The following MED27 variants were observed in gnomAD, a reference collection of about 807,000 sequenced individuals.
MED27 encodes the protein mediator complex subunit 27.
In MED27, 30 loss-of-function variants were observed where a neutral mutation model predicts 38.2. That is an observed-to-expected ratio of 0.79 (90% confidence interval 0.59 to 1.07). MED27 has a LOEUF of 1.07. Among genes scored for constraint, MED27 ranks in the 50% least tolerant of loss-of-function variants. The pLI is 0.00. For missense variants in MED27, 289 were observed against 397.5 expected, an observed-to-expected ratio of 0.73 and a Z score of 2.32; for synonymous variants, 122 against 153.5, an observed-to-expected ratio of 0.79 and a Z score of 1.52.
intron 3 of MED27, among the ~76,000 whole-genome samples, chr9:132,002,558 A>T (rs1832261023): frequency 6.6e-6 from 1 of 152,210 alleles, no homozygotes; most frequent in East Asian, 1.9e-4. Flanking sequence ...CTAACCAGGG[A>T]CTTGCTTTCT....
rs749607968 is a variant in MED27, at chr9:131,966,383, CAA to C, written c.480-26911_480-26910del. The stretch of plus-strand genomic sequence containing the variant: ...CAGGCAAAAGAGCCAGACCCTGTCA[CAA>C]AAAAAAAAAAAAAAAGGAAAGGAAA... On this transcript the variant is annotated intron_variant, in intron 3 of 7. Transcript: ENST00000292035. Among the ~76,000 whole-genome samples, 10 of 36,752 alleles carry C rather than the reference CAA, an allele frequency of 2.7e-4. 1 individual carries two copies. In the South Asian group the frequency reaches 5.9e-3, roughly 22 times the overall value. 24.1% of individuals were successfully genotyped at this position (36,752 alleles called of 152,430 possible).
chr9:131,941,951 A>G (rs557994861), intron 3 of MED27, among the ~76,000 whole-genome samples: 13 of 148,106 alleles, frequency 8.8e-5, no homozygotes, highest in Middle Eastern at 3.6e-3. Flanking sequence ...TCAGCCTCCC[A>G]AGTAGCTGGG....
rs774377278 is a variant in MED27, at chr9:132,051,749, G to A, written c.348+25693C>T. ...GTTACATGTGGCTAGTGGCTACCACGTGGGATAATGTGGATACAGAACATT... is the reference window on the plus strand; with the variant it reads ...GTTACATGTGGCTAGTGGCTACCACATGGGATAATGTGGATACAGAACATT... On this transcript the variant is annotated intron_variant, in intron 2 of 7. Coordinates refer to ENST00000292035, the MANE Select transcript of MED27 (RefSeq NM_004269.4). The surrounding 1 kb of genome is among the most constrained non-coding windows in gnomAD (Gnocchi z 4.2). 8.5e-5 allele frequency among the ~76,000 whole-genome samples: 13 copies of A among 152,160 alleles called. No homozygotes were observed. The highest frequency in any genetic ancestry group is 1.0e-4 in the Non-Finnish European group (7 of 68,016).
intron 3 of MED27, among the ~76,000 whole-genome samples, chr9:131,946,260 T>C (rs538140706): frequency 3.3e-5 from 5 of 152,350 alleles, no homozygotes; most frequent in Non-Finnish European, 5.9e-5. Context: ...TATGGACATA[T>C]ACCCAGTAGC....
intron 3 of MED27, among the ~76,000 whole-genome samples, chr9:131,939,901 T>A (rs1226701703): frequency 1.5e-5 from 2 of 130,104 alleles, no homozygotes; most frequent in Non-Finnish European, 3.3e-5. Flanking sequence ...AATTCCTTCC[T>A]TTTTTTTTTT....
At chr9:132,023,358 T>G (rs921839634) in intron 2 of MED27, among the ~76,000 whole-genome samples, 3 of 152,190 alleles carry the variant, frequency 2.0e-5, no homozygotes, top group African/African-American at 7.2e-5. Context: ...AACATGATTT[T>G]TTGAAAATTG....
intron 3 of MED27, among the ~76,000 whole-genome samples, chr9:131,949,284 G>A (rs923645259): frequency 1.3e-5 from 2 of 152,116 alleles, no homozygotes; most frequent in African/African-American, 2.4e-5. Context: ...GGAGGATGGC[G>A]GGGCCCGAGC....
intron 3 of MED27, among the ~76,000 whole-genome samples, chr9:131,949,456 C>T (rs1269178286): frequency 6.6e-6 from 1 of 152,134 alleles, no homozygotes; most frequent in East Asian, 1.9e-4. Flanking sequence ...AAAAAGAAGG[C>T]TAAGTGACTT....
chr9:132,010,155 A>C (rs1045031124), intron 3 of MED27, among the ~76,000 whole-genome samples: 6 of 152,170 alleles, frequency 3.9e-5, no homozygotes, highest in Non-Finnish European at 8.8e-5. Context: ...CTATGTCCTG[A>C]ATGGTATTGC....
chr9:132,063,931 C>T (rs765882730), intron 2 of MED27, among the ~76,000 whole-genome samples: 15 of 152,182 alleles, frequency 9.9e-5, no homozygotes, highest in Non-Finnish European at 1.8e-4. Flanking sequence ...CTAAAGCACA[C>T]AGAAACTATC....
At chr9:131,945,978 A>AC (rs34791374) in intron 3 of MED27, among the ~76,000 whole-genome samples, 37,694 of 150,512 alleles carry the variant, frequency 0.25, 5,269 homozygotes, top group East Asian at 0.38. Flanking sequence ...TAAAAAAAAA[A>AC]AAAAAAAAAG....
At chr9:131,881,745 T>C (rs1839043368) in intron 6 of MED27, among the ~76,000 whole-genome samples, 1 of 151,378 alleles carries the variant, frequency 6.6e-6, no homozygotes, top group South Asian at 2.1e-4. Context: ...TCACCAGTTT[T>C]TCCATTAGTA....
intron 2 of MED27, among the ~76,000 whole-genome samples, chr9:132,040,107 C>T (rs1369253559): frequency 6.6e-6 from 1 of 152,202 alleles, no homozygotes; most frequent in Non-Finnish European, 1.5e-5. Context: ...CCTTATACAT[C>T]ACTTTTCAAA....
chr9:132,008,068 T>TA (rs1273489517), intron 3 of MED27, among the ~76,000 whole-genome samples: 1 of 152,252 alleles, frequency 6.6e-6, no homozygotes, highest in Non-Finnish European at 1.5e-5. Context: ...CCTCTGCTGT[T>TA]ACTGAAAGCT....
At position 131,987,526 on chromosome 9, in the gene MED27, G is replaced by A. The variant is rs1487428396; in HGVS notation, c.479+26811C>T. On this transcript the variant is annotated intron_variant, in intron 3 of 7. Transcript: ENST00000292035. ...CATTCTAAATAGAGTCTGTCTTAAA[G>A]AAATCACTACCTCCCACTAAATAAT... 2.0e-5 allele frequency among the ~76,000 whole-genome samples: 3 copies of A among 152,274 alleles called. 1 individual carries two copies. Among genetic ancestry groups the A allele is most frequent in the South Asian group, 4.1e-4 (2 of 4,822 alleles).
chr9:132,043,440 C>T (rs928921370), intron 2 of MED27, among the ~76,000 whole-genome samples: 5 of 151,778 alleles, frequency 3.3e-5, no homozygotes, highest in African/African-American at 7.3e-5. Context: ...TCATAACACA[C>T]GCACAGGAAC....
At chr9:131,884,605 C>CTTT (rs11331082) in intron 5 of MED27, among the ~76,000 whole-genome samples, 11 of 122,674 alleles carry the variant, frequency 9.0e-5, no homozygotes, top group African/African-American at 1.9e-4. Flanking sequence ...ATTCTCTTTA[C>CTTT]TTTTTTTTTT....
At chr9:131,957,698 A>G (rs1831132789) in intron 3 of MED27, among the ~76,000 whole-genome samples, 1 of 152,198 alleles carries the variant, frequency 6.6e-6, no homozygotes, top group Admixed American at 6.5e-5. Flanking sequence ...CAATGCCTGA[A>G]CAACTTGAAT....
chr9:131,905,701 C>CAAAAAAAAAAAAAAAAAAAAAAAAA (rs58848280), intron 4 of MED27, among the ~76,000 whole-genome samples: 4 of 60,922 alleles, frequency 6.6e-5, no homozygotes, highest in Non-Finnish European at 1.1e-4. Context: ...AAGACCTTGT[C>CAAAAAAAAAAAAAAAAAAAAAAAAA]AAAAAAAAAA....
Sources: allele counts gnomAD v4.1 joint callset (sites outside exome capture counted in the v4.1 genomes callset), GRCh38; gene constraint gnomAD v4.1.1; non-coding constraint Gnocchi (gnomAD v3.1); transcripts MANE v1.5; gene names NCBI Gene and HGNC (gene_info 2026-07-23, HGNC 2026-07-21).